The following VPS13D variants were observed in gnomAD, a reference collection of about 807,000 sequenced individuals.
VPS13D encodes vacuolar protein sorting 13 homolog D.
In VPS13D, 187 loss-of-function variants were observed where a neutral mutation model predicts 461.9. That is an observed-to-expected ratio of 0.40 (90% CI 0.36 to 0.46). The LOEUF is 0.46. Ranked by LOEUF, VPS13D falls within the 20% of genes least tolerant of loss-of-function variation. VPS13D has a pLI of 0.60. For synonymous variants in VPS13D, 1,951 were observed against 1,986.3 expected (o/e 0.98, Z 0.47); for missense variants, 4,711 against 5,364.9 (o/e 0.88, Z 3.81).
chr1:12,275,931 C>G lies in VPS13D; in HGVS notation c.2343C>G (p.Pro781=), dbSNP rs1218485089. 7 of 1,613,896 alleles carry G rather than the reference C, an allele frequency of 4.3e-6. No individual in the cohort carries two copies. In the South Asian group the frequency reaches 6.6e-5, roughly 15 times the overall value. The change falls in exon 19 of 70, where the codon CCC becomes CCG. Residue 781 remains proline, a synonymous_variant. Transcript: ENST00000620676. The part of the protein sequence containing the change: ...PLATPPNTPP[P]ESSSSNGEKT... ...CCACACCTCCTAACACCCCACCTCC[C>G]GAGTCAAGCAGCAGCAACGGAGAGA...
chr1:12,385,626 T>TG (rs1644340965), intron 59 of VPS13D, among the ~76,000 whole-genome samples: 1 of 152,240 alleles, frequency 6.6e-6, no homozygotes, highest in Non-Finnish European at 1.5e-5. Flanking sequence ...TTGTTTGAAT[T>TG]TCAGTAAGAT....
chr1:12,232,637 CTTTTTTTTT>C lies in VPS13D; in HGVS notation c.-76-1537_-76-1529del, dbSNP rs772757546. Among the ~76,000 whole-genome samples, 601 of 71,058 alleles carry C rather than the reference CTTTTTTTTT, an allele frequency of 8.5e-3. 8 individuals carry two copies. Among genetic ancestry groups the C allele is most frequent in the African/African-American group, 0.031 (571 of 18,356 alleles). The allele number at this position is 71,058 out of a possible 152,430, so 46.6% of individuals were successfully genotyped here. A position where few individuals can be genotyped will look rare whatever the true frequency, so the allele number is the denominator to read the frequency against. On this transcript the variant is annotated intron_variant, in intron 1 of 69. Transcript: ENST00000620676. ...GACTTTTTGTAATACTAAAATTAGTCTTTTTTTTTTTTTTTTTTTTTTTTTGGTAATACT... is the reference window on the plus strand; with the variant it reads ...GACTTTTTGTAATACTAAAATTAGTCTTTTTTTTTTTTTTTTGGTAATACT...
chr1:12,382,948 C>G (rs1644302162), intron 57 of VPS13D, 28 bp from the exon 58 acceptor site: 2 of 1,590,886 alleles, frequency 1.3e-6, no homozygotes, highest in East Asian at 4.5e-5. Context: ...TGTCTTTTCT[C>G]ACATGTCTCT....
intron 2 of VPS13D, among the ~76,000 whole-genome samples, chr1:12,239,580 T>C (rs1640277815): frequency 6.6e-6 from 1 of 152,256 alleles, no homozygotes; most frequent in Non-Finnish European, 1.5e-5. Flanking sequence ...AGGCTGCCAG[T>C]GCCATGTCAA....
At chr1:12,410,428 C>T (rs1461325263) in intron 63 of VPS13D, among the ~76,000 whole-genome samples, 4 of 152,296 alleles carry the variant, frequency 2.6e-5, no homozygotes, top group African/African-American at 4.8e-5. Context: ...ATGCTTCTTA[C>T]TCTAACTGCC....
chr1:12,346,307 C>T (rs1454153087), intron 43 of VPS13D, among the ~76,000 whole-genome samples: 1 of 152,176 alleles, frequency 6.6e-6, no homozygotes, highest in Non-Finnish European at 1.5e-5. Context: ...AAAACCTTTT[C>T]AGGATTACTT....
At chr1:12,419,406 A>T (rs1644834710) in intron 65 of VPS13D, among the ~76,000 whole-genome samples, 1 of 152,180 alleles carries the variant, frequency 6.6e-6, no homozygotes, top group Non-Finnish European at 1.5e-5. Context: ...CTTTGCTCTA[A>T]AGAAATACCT....
At chr1:12,318,701 T>C (rs1355435924) in intron 31 of VPS13D, among the ~76,000 whole-genome samples, 1 of 152,220 alleles carries the variant, frequency 6.6e-6, no homozygotes, top group Non-Finnish European at 1.5e-5. Flanking sequence ...GTTTCGTATG[T>C]GAAAACCTCA....
chr1:12,348,483 A>G (rs1207641557), intron 44 of VPS13D, among the ~76,000 whole-genome samples: 1 of 152,234 alleles, frequency 6.6e-6, no homozygotes, highest in South Asian at 2.1e-4. Flanking sequence ...AATTACAGGA[A>G]GTTTGGAAAA....
chr1:12,319,130 C>A (rs373171933), intron 31 of VPS13D, among the ~76,000 whole-genome samples: 1 of 152,184 alleles, frequency 6.6e-6, no homozygotes, highest in Non-Finnish European at 1.5e-5. Flanking sequence ...TGAGTCTTCT[C>A]CCTGGAATTT....
intron 22 of VPS13D, among the ~76,000 whole-genome samples, chr1:12,290,590 T>C (rs554155056): frequency 4.6e-5 from 7 of 152,024 alleles, no homozygotes; most frequent in South Asian, 2.1e-4. Context: ...GGCATGGTGG[T>C]GGGCACCTGT....
In VPS13D at chr1:12,297,329, C is replaced by T. The variant is rs377453518; in HGVS notation, c.6034-1873C>T. Among the ~76,000 whole-genome samples, 6 of 152,174 alleles carry T rather than the reference C, an allele frequency of 3.9e-5. No homozygotes were observed. The East Asian group carries it at 9.6e-4, about 24-fold the overall frequency. On this transcript the variant is annotated intron_variant, in intron 24 of 69. Transcript: ENST00000620676. The stretch of plus-strand genomic sequence containing the variant: ...GTTTGGCCAAATATAAATTATTTCC[C>T]ATATATTTTACCCCAGAAGTATGAT...
At chr1:12,352,299 AAAG>A (rs1330110613) in intron 46 of VPS13D, among the ~76,000 whole-genome samples, 12 of 152,144 alleles carry the variant, frequency 7.9e-5, no homozygotes, top group South Asian at 2.1e-4. Context: ...TCAAAAAAAT[AAAG>A]AAGGAGTACA....
intron 67 of VPS13D, among the ~76,000 whole-genome samples, chr1:12,481,259 TCCCAGTA>T (rs1364149379): frequency 6.6e-6 from 1 of 152,106 alleles, no homozygotes; most frequent in Non-Finnish European, 1.5e-5. Flanking sequence ...CAAGTCTGCA[TCCCAGTA>T]CCCAACGGGG....
In VPS13D at chr1:12,322,617, C is replaced by T; in HGVS notation, c.7786C>T (p.Gln2596Ter). 2 of 1,614,196 alleles carry T rather than the reference C, an allele frequency of 1.2e-6. No homozygotes were observed. The highest frequency in any genetic ancestry group is 1.1e-5 in the South Asian group (1 of 91,082). The change falls in exon 34 of 70, where the codon CAA becomes TAA. Residue 2596 changes from glutamine (Q) to a stop codon, truncating the protein, a stop_gained. Coordinates refer to ENST00000620676, the MANE Select transcript of VPS13D (RefSeq NM_015378.4). LOFTEE classifies it high-confidence loss of function. Reference sequence around the variant, plus strand: ...TGCCATTGCAAAATCCATCCCAGAGCAAGCTAATGCTGCAGTGCCAGACTC... The same window carrying T: ...TGCCATTGCAAAATCCATCCCAGAGTAAGCTAATGCTGCAGTGCCAGACTC... ...FLAIAKSIPE[Q>*]ANAAVPDSVA...
At chr1:12,251,653 CT>C (rs199658334) in intron 6 of VPS13D, among the ~76,000 whole-genome samples, 11 of 151,918 alleles carry the variant, frequency 7.2e-5, no homozygotes, top group African/African-American at 2.2e-4. Flanking sequence ...ACACTCATAA[CT>C]TTTTTTTTCC....
intron 67 of VPS13D, among the ~76,000 whole-genome samples, chr1:12,483,297 T>C (rs1253604510): frequency 1.3e-5 from 2 of 152,236 alleles, no homozygotes; most frequent in Admixed American, 6.5e-5. Context: ...CTCTTTTAAG[T>C]CTTTGCCAAT....
intron 35 of VPS13D, among the ~76,000 whole-genome samples, chr1:12,326,804 C>A (rs1270755604): frequency 3.3e-5 from 5 of 152,152 alleles, no homozygotes; most frequent in African/African-American, 1.2e-4. Context: ...CCACCACGCC[C>A]AGCTAATTTT....
chr1:12,416,440 G>A (rs1644794978), intron 64 of VPS13D, among the ~76,000 whole-genome samples: 1 of 152,208 alleles, frequency 6.6e-6, no homozygotes, highest in Admixed American at 6.5e-5. Flanking sequence ...GGAAGAGTAT[G>A]TGTATTGGGA....
Sources: gnomAD v4.1 joint callset for allele counts (sites outside exome capture counted in the v4.1 genomes callset) on GRCh38, gnomAD v4.1.1 for gene constraint, MANE v1.5 for transcripts, NCBI Gene and HGNC (gene_info 2026-07-23, HGNC 2026-07-21) for gene names.